Variants in HNF4A observed in about 807,000 individuals in gnomAD.
HNF4A encodes the protein hepatocyte nuclear factor 4 alpha, also known as hepatocyte nuclear factor 4-alpha.
HNF4A carries 15 observed loss-of-function variants against 52.4 expected under a neutral mutation model. The observed-to-expected ratio is 0.29, with a 90% CI of 0.19 to 0.44. The LOEUF is 0.44. Ranked by LOEUF, HNF4A falls within the 20% of genes least tolerant of loss-of-function variation. The pLI is 1.00. For missense variants in HNF4A, 479 were observed against 647.2 expected, an observed-to-expected ratio of 0.74 and a Z score of 2.82; for synonymous variants, 280 against 264.4, an observed-to-expected ratio of 1.06 and a Z score of -0.57.
chr20:44,424,277 G>A, intron 8 of HNF4A, 23 bp downstream of exon 8: 5 of 1,612,746 alleles, frequency 3.1e-6, no homozygotes, highest in Non-Finnish European at 4.2e-6. Flanking sequence ...CCCAGGAGGG[G>A]CGGGGTTGGA....
At chr20:44,393,633 T>C (rs1568710661) in intron 1 of HNF4A, among the ~76,000 whole-genome samples, 1 of 152,166 alleles carries the variant, frequency 6.6e-6, no homozygotes, top group Non-Finnish European at 1.5e-5. Context: ...ATTGCCTACC[T>C]CCCAGAGTGG....
intron 8 of HNF4A, 175 bp downstream of exon 8, chr20:44,424,429 G>T: frequency 8.4e-7 from 1 of 1,186,190 alleles, no homozygotes. Context: ...CAAGGCAATG[G>T]TCTATTTGTT....
rs943556430 is a variant in HNF4A at position 44,389,133 on chromosome 20, T to G, written c.50-16925T>G. On this transcript the variant is annotated intron_variant, in intron 1 of 9. Coordinates refer to the HNF4A transcript ENST00000316673. ...CTCAAAGAACTTTTGCAAAGTGGCA[T>G]CTCATTGGAGCTAAAATGACCTGTG... Among the ~76,000 whole-genome samples, 3 of 152,336 alleles carry G rather than the reference T, an allele frequency of 2.0e-5. No individual in the cohort carries two copies. The East Asian group carries it at 5.8e-4, about 29-fold the overall frequency.
intron 1 of HNF4A, among the ~76,000 whole-genome samples, chr20:44,366,108 G>A (rs895892429): frequency 6.6e-6 from 1 of 152,016 alleles, no homozygotes; most frequent in African/African-American, 2.4e-5. Context: ...AATCATCAAT[G>A]TATCGCTTTA....
chr20:44,357,781 T>C (rs1278025395), intron 1 of HNF4A, among the ~76,000 whole-genome samples: 1 of 151,918 alleles, frequency 6.6e-6, no homozygotes, highest in East Asian at 1.9e-4. Context: ...TCCAAACGGC[T>C]GTCTGAGATA....
chr20:44,382,625 C>T (rs1035034508), intron 1 of HNF4A, among the ~76,000 whole-genome samples: 8 of 152,074 alleles, frequency 5.3e-5, no homozygotes, highest in Non-Finnish European at 1.2e-4. Context: ...CACAATTGTC[C>T]ATATATGCTC....
At chr20:44,370,861 G>A (rs1017082955) in intron 1 of HNF4A, among the ~76,000 whole-genome samples, 15 of 152,216 alleles carry the variant, frequency 9.9e-5, no homozygotes, top group Non-Finnish European at 1.6e-4. Flanking sequence ...ACTGTTTGAC[G>A]ACTGTCTGCC....
rs568037328 is a variant in HNF4A at position 44,429,845 on chromosome 20, G to A, written c.*180G>A. 1.9e-5 allele frequency: 12 copies of A among 639,596 alleles called. No individual in the cohort carries two copies. Among genetic ancestry groups the A allele is most frequent in the South Asian group, 7.6e-5 (4 of 52,504 alleles). 39.6% of individuals were successfully genotyped at this position (639,596 alleles called of 1,614,324 possible). ...GCCACATCCCACTGCCACCCTTGAC[G>A]CCCTGCTCTGGATAACAAGACTTTG... On this transcript the variant is annotated 3_prime_UTR_variant, in exon 10 of 10. Transcript: ENST00000316099.
upstream of HNF4A, among the ~76,000 whole-genome samples, chr20:44,398,967 A>G (rs1197458435): frequency 6.6e-6 from 1 of 152,176 alleles, no homozygotes; most frequent in Non-Finnish European, 1.5e-5. Flanking sequence ...TTGTGTGGGG[A>G]GTAGCTGTGC....
intron 1 of HNF4A, among the ~76,000 whole-genome samples, chr20:44,393,941 T>C (rs1212555943): frequency 6.6e-6 from 1 of 152,162 alleles, no homozygotes; most frequent in Non-Finnish European, 1.5e-5. Flanking sequence ...GGTCTCAAAC[T>C]CTTGGGCTCA....
intron 9 of HNF4A, 101 bp downstream of exon 9, chr20:44,428,588 A>G (rs2063840517): frequency 8.5e-7 from 1 of 1,175,208 alleles, no homozygotes; most frequent in Non-Finnish European, 1.2e-6. Context: ...AGGATGCAAC[A>G]GTTTTCTGGG....
At chr20:44,406,922 G>A (rs1443943357) in intron 2 of HNF4A, among the ~76,000 whole-genome samples, 2 of 152,204 alleles carry the variant, frequency 1.3e-5, no homozygotes, top group Non-Finnish European at 2.9e-5. Context: ...CAGAGCCAGG[G>A]TTAACATTCA....
rs147761720 is a variant in HNF4A, at chr20:44,376,806, G to T, written c.49+20953G>T. 7.9e-5 allele frequency among the ~76,000 whole-genome samples: 12 copies of T among 152,230 alleles called. 1 individual carries two copies. In the East Asian group the frequency reaches 2.1e-3, roughly 27 times the overall value. ...GCTTATCTGGAAAATTTATTTAAATGATATACTGTACATATCCTGCAGCAA... is the reference window on the plus strand; with the variant it reads ...GCTTATCTGGAAAATTTATTTAAATTATATACTGTACATATCCTGCAGCAA... On this transcript the variant is annotated intron_variant, in intron 1 of 9. Transcript: ENST00000316673.
intron 3 of HNF4A, among the ~76,000 whole-genome samples, chr20:44,408,438 C>G (rs999646291): frequency 1.3e-5 from 2 of 152,256 alleles, no homozygotes; most frequent in South Asian, 2.1e-4. Flanking sequence ...TTTAAAGTAA[C>G]TTGAGGCCAG....
At chr20:44,398,399 T>A (rs1157678504), upstream of HNF4A, among the ~76,000 whole-genome samples, 1 of 152,182 alleles carries the variant, frequency 6.6e-6, no homozygotes, top group African/African-American at 2.4e-5. Context: ...CATAGCTTGG[T>A]TTAAATAAAC....
chr20:44,406,468 G>A (rs1418033892), intron 2 of HNF4A, among the ~76,000 whole-genome samples: 1 of 152,176 alleles, frequency 6.6e-6, no homozygotes, highest in Non-Finnish European at 1.5e-5. Context: ...CATATGCCAG[G>A]CACAATACTA....
chr20:44,407,609 G>C (rs1350990323), intron 3 of HNF4A, 134 bp downstream of exon 3: 1 of 728,590 alleles, frequency 1.4e-6, no homozygotes, highest in African/African-American at 1.7e-5. Context: ...TGGCTGAGAA[G>C]AGGGAGGGCC....
At chr20:44,406,780 G>A (rs1185326420) in intron 2 of HNF4A, among the ~76,000 whole-genome samples, 3 of 152,208 alleles carry the variant, frequency 2.0e-5, no homozygotes, top group Non-Finnish European at 2.9e-5. Context: ...GTGCCCCATC[G>A]GCGCATGACT....
At chr20:44,355,837 A>G (rs548411497) in exon 1 of HNF4A, 3 of 1,613,352 alleles carry the variant, frequency 1.9e-6, no homozygotes, top group South Asian at 2.2e-5. Flanking sequence ...TCGGGGCTCC[A>G]GTGGAGAGTT....
Sources: allele counts gnomAD v4.1 joint callset (sites outside exome capture counted in the v4.1 genomes callset), GRCh38; gene constraint gnomAD v4.1.1; transcripts MANE v1.5; gene names NCBI Gene and HGNC (gene_info 2026-07-23, HGNC 2026-07-21).